UBE4B: variants seen among roughly 807,000 people sequenced by gnomAD.
UBE4B encodes the protein ubiquitin conjugation factor E4 B.
Under a neutral mutation model 148.1 loss-of-function variants are expected in UBE4B, and 27 were observed. That is an observed-to-expected ratio of 0.18 (90% confidence interval 0.13 to 0.25). UBE4B has a LOEUF of 0.25. Among genes scored for constraint, UBE4B ranks in the 10% least tolerant of loss-of-function variants. The pLI, the probability that UBE4B is intolerant of heterozygous loss-of-function variation, is 1.00. For synonymous variants in UBE4B, 596 were observed against 619.3 expected (o/e 0.96, Z 0.56); for missense variants, 1,170 against 1,662.4 (o/e 0.70, Z 5.15).
At chr1:10,091,637 G>T (rs1644849445) in intron 2 of UBE4B, among the ~76,000 whole-genome samples, 1 of 151,836 alleles carries the variant, frequency 6.6e-6, no homozygotes, top group Non-Finnish European at 1.5e-5. Context: ...ATGGAGTATT[G>T]CTGTGTCACC....
At position 10,102,974 on chromosome 1, in the gene UBE4B, T is replaced by C. The variant is rs1191315341; in HGVS notation, c.462T>C (p.Ser154=). 1 of 1,613,058 alleles carries C rather than the reference T, an allele frequency of 6.2e-7. No individual in the cohort carries two copies. The highest frequency in any genetic ancestry group is 8.5e-7 in the Non-Finnish European group (1 of 1,179,264). ...DKEPSSGPEV[S]EEQALQLVCK... ...AGCCTTCCTCGGGCCCTGAAGTGTC[T>C]GAAGAGCAGGCCTTACAGCTGGTCT... The change falls in exon 5 of 28, where the codon TCT becomes TCC. Residue 154 remains serine, a synonymous_variant. Transcript: ENST00000343090.
intron 1 of UBE4B, among the ~76,000 whole-genome samples, chr1:10,053,339 C>T (rs1557514265): frequency 1.3e-5 from 2 of 151,808 alleles, no homozygotes; most frequent in South Asian, 2.1e-4. Flanking sequence ...TTAGTAGAGA[C>T]GGGGTTTCAC....
In UBE4B at chr1:10,175,638, G is replaced by A. The variant is rs147329353; in HGVS notation, c.3526-3006G>A. 5.5e-3 allele frequency among the ~76,000 whole-genome samples: 842 copies of A among 151,886 alleles called. 10 individuals carry two copies. The highest frequency in any genetic ancestry group is 0.018 in the African/African-American group (726 of 41,396). On this transcript the variant is annotated intron_variant, in intron 25 of 27. Coordinates refer to ENST00000343090, the MANE Select transcript of UBE4B (RefSeq NM_001105562.3). ...TGCACTCCAGCCTGGGCGACAGAGC[G>A]AGACTCCGTCTCAAATAAATAAATA...
chr1:10,044,045 CT>C (rs570406572), intron 1 of UBE4B, among the ~76,000 whole-genome samples: 11 of 147,432 alleles, frequency 7.5e-5, no homozygotes, highest in South Asian at 2.1e-4. Context: ...CTTTTCTTTT[CT>C]TTTTTTTTTG....
chr1:10,131,444 C>A (rs1645591772), intron 14 of UBE4B, among the ~76,000 whole-genome samples: 1 of 151,918 alleles, frequency 6.6e-6, no homozygotes, highest in South Asian at 2.1e-4. Flanking sequence ...AAGATCACGC[C>A]ACTGCACATC....
chr1:10,113,527 A>G (rs1645256302), intron 7 of UBE4B, among the ~76,000 whole-genome samples: 1 of 152,256 alleles, frequency 6.6e-6, no homozygotes, highest in Non-Finnish European at 1.5e-5. Flanking sequence ...AGTCTTCTAC[A>G]TACATTGTCA....
At chr1:10,062,344 G>A (rs765634467) in intron 1 of UBE4B, among the ~76,000 whole-genome samples, 2 of 151,654 alleles carry the variant, frequency 1.3e-5, no homozygotes, top group African/African-American at 4.8e-5. Context: ...GTGGAGTCTC[G>A]CTCTGTCGCC....
chr1:10,045,662 A>T (rs1643898544), intron 1 of UBE4B, among the ~76,000 whole-genome samples: 1 of 152,206 alleles, frequency 6.6e-6, no homozygotes, highest in South Asian at 2.1e-4. Flanking sequence ...AAGAGAATAG[A>T]TAAGGAGGAA....
chr1:10,036,390 A>G (rs1368457100), intron 1 of UBE4B, among the ~76,000 whole-genome samples: 1 of 152,206 alleles, frequency 6.6e-6, no homozygotes, highest in African/African-American at 2.4e-5. Flanking sequence ...ATGTAAAATT[A>G]TCTTCAACAA....
Position 10,151,566 on chromosome 1 carries a change from G to A in UBE4B, c.2926+5G>A. On this transcript the variant is annotated splice_donor_5th_base_variant and intron_variant, in intron 21 of 27. Transcript: ENST00000343090. ...CCCTGATGAAGTTTTATACAGGTAG[G>A]TTGCTGGAACACAGTGTAGCACATG... 6.2e-7 allele frequency: 1 copy of A among 1,612,448 alleles called. No individual in the cohort carries two copies. Among genetic ancestry groups the A allele is most frequent in the Non-Finnish European group, 8.5e-7 (1 of 1,178,826 alleles).
intron 27 of UBE4B, 106 bp downstream of exon 27, chr1:10,179,668 A>T (rs1004887006): frequency 5.8e-6 from 9 of 1,543,574 alleles, no homozygotes; most frequent in Non-Finnish European, 7.9e-6. Context: ...TCAAATGCAG[A>T]AACTACCTAC....
At chr1:10,065,515 G>A in intron 1 of UBE4B, among the ~76,000 whole-genome samples, 1 of 152,208 alleles carries the variant, frequency 6.6e-6, no homozygotes, top group East Asian at 1.9e-4. Context: ...TTTCGGCCCT[G>A]TGACTGTTTT....
At chr1:10,053,453 T>A (rs1644094301) in intron 1 of UBE4B, among the ~76,000 whole-genome samples, 1 of 151,714 alleles carries the variant, frequency 6.6e-6, no homozygotes, top group Non-Finnish European at 1.5e-5. Context: ...CTGGCCTATT[T>A]ATTTTTTATT....
At chr1:10,041,615 G>A (rs537725717) in intron 1 of UBE4B, among the ~76,000 whole-genome samples, 12 of 151,764 alleles carry the variant, frequency 7.9e-5, no homozygotes, top group East Asian at 5.9e-4. Context: ...GATTACAAGC[G>A]TGAACGACTG....
At chr1:10,124,135 G>A (rs1570934862) in intron 10 of UBE4B, among the ~76,000 whole-genome samples, 1 of 151,794 alleles carries the variant, frequency 6.6e-6, no homozygotes, top group Non-Finnish European at 1.5e-5. Flanking sequence ...AGTGTTATAC[G>A]ACCACCACAG....
chr1:10,147,972 A>G (rs1191051248), intron 19 of UBE4B, among the ~76,000 whole-genome samples: 1 of 152,238 alleles, frequency 6.6e-6, no homozygotes, highest in African/African-American at 2.4e-5. Flanking sequence ...TCACGCCTAT[A>G]ATCCCAGCAC....
intron 17 of UBE4B, among the ~76,000 whole-genome samples, chr1:10,139,356 A>C (rs1208174452): frequency 6.6e-6 from 1 of 151,934 alleles, no homozygotes; most frequent in African/African-American, 2.4e-5. Flanking sequence ...GAGCCACTGT[A>C]CTCCAGCCTG....
chr1:10,037,058 G>A (rs540420060), intron 1 of UBE4B, among the ~76,000 whole-genome samples: 5 of 152,064 alleles, frequency 3.3e-5, no homozygotes, highest in Non-Finnish European at 5.9e-5. Context: ...ACAGAGTTTC[G>A]CTCTTGTTGC....
At chr1:10,052,597 T>A (rs968883215) in intron 1 of UBE4B, among the ~76,000 whole-genome samples, 1 of 152,178 alleles carries the variant, frequency 6.6e-6, no homozygotes, top group Admixed American at 6.5e-5. Flanking sequence ...CAGGCAGAGG[T>A]GCCCCACGCT....
Sources: gnomAD v4.1 joint callset for allele counts (sites outside exome capture counted in the v4.1 genomes callset) on GRCh38, gnomAD v4.1.1 for gene constraint, MANE v1.5 for transcripts, NCBI Gene and HGNC (gene_info 2026-07-23, HGNC 2026-07-21) for gene names.